Variants in INPP5D observed in about 807,000 individuals in gnomAD.
The protein encoded by INPP5D is inositol polyphosphate-5-phosphatase D.
A neutral mutation model predicts 122.9 loss-of-function variants in INPP5D; 33 were observed. The observed-to-expected ratio is 0.27, with a 90% CI of 0.20 to 0.36. The LOEUF (loss-of-function observed/expected upper bound fraction) is 0.36, where lower values mean the gene tolerates loss of function less well. Among genes scored for constraint, INPP5D ranks in the 10% least tolerant of loss-of-function variants. The probability of loss-of-function intolerance (pLI) is 1.00; values close to 1 mark genes in which losing one functional copy is unlikely to be tolerated. For missense variants in INPP5D, 1,053 were observed against 1,412.7 expected (o/e 0.75, Z 4.08); for synonymous variants, 584 against 576.2 (o/e 1.01, Z -0.19).
intron 1 of INPP5D, among the ~76,000 whole-genome samples, chr2:233,065,803 T>C (rs1691207418): frequency 6.6e-6 from 1 of 151,846 alleles, no homozygotes; most frequent in African/African-American, 2.4e-5. Flanking sequence ...CCCACCACCA[T>C]ACCTGGCTAA....
intron 1 of INPP5D, among the ~76,000 whole-genome samples, chr2:233,068,152 GCATATGCCTGTAATCC>G (rs1691274495): frequency 6.6e-6 from 1 of 152,126 alleles, no homozygotes; most frequent in Non-Finnish European, 1.5e-5. Context: ...TGCGATGGTG[GCATATGCCTGTAATCC>G]CAGCTACTCG....
intron 1 of INPP5D, among the ~76,000 whole-genome samples, chr2:233,077,351 A>G (rs1691547908): frequency 6.6e-6 from 1 of 152,140 alleles, no homozygotes; most frequent in African/African-American, 2.4e-5. Context: ...TAAAGTTAGT[A>G]TATATTTTAA....
chr2:233,088,564 A>C (rs1459857364), intron 2 of INPP5D, among the ~76,000 whole-genome samples: 1 of 152,250 alleles, frequency 6.6e-6, no homozygotes, highest in Admixed American at 6.5e-5. Flanking sequence ...CTCCTCAGAA[A>C]CAGTGGGAGG....
intron 4 of INPP5D, among the ~76,000 whole-genome samples, chr2:233,127,599 A>G (rs970379855): frequency 4.6e-5 from 7 of 152,202 alleles, no homozygotes; most frequent in Non-Finnish European, 1.0e-4. Flanking sequence ...TTATGTCAAC[A>G]CTTTTCTACA....
At chr2:233,176,773 TG>T (rs1694651660) in intron 17 of INPP5D, among the ~76,000 whole-genome samples, 1 of 149,582 alleles carries the variant, frequency 6.7e-6, no homozygotes, top group Non-Finnish European at 1.5e-5. Flanking sequence ...GATAAGTGGA[TG>T]GGTGGATGGA....
chr2:233,068,360 T>TGAGGC (rs1691284619), intron 1 of INPP5D, among the ~76,000 whole-genome samples: 2 of 151,004 alleles, frequency 1.3e-5, no homozygotes, highest in South Asian at 4.2e-4. Context: ...TTTGGGAGGC[T>TGAGGC]GAGGCAAGAG....
In INPP5D at chr2:233,060,471, C is replaced by A; in HGVS notation, c.-8C>A. 1.3e-6 allele frequency: 2 copies of A among 1,598,326 alleles called. No individual in the cohort carries two copies. Among genetic ancestry groups the A allele is most frequent in the Non-Finnish European group, 1.7e-6 (2 of 1,171,724 alleles). On this transcript the variant is annotated 5_prime_UTR_variant, in exon 1 of 27. Coordinates refer to ENST00000445964, the MANE Select transcript of INPP5D (RefSeq NM_001017915.3). The stretch of plus-strand genomic sequence containing the variant: ...CTGCCGGCCCGGCCGAGGAGGCCCA[C>A]GCCCACCATGGTCCCCTGCTGGAAC...
In INPP5D at chr2:233,177,041, A is replaced by G. The variant is rs993933168; in HGVS notation, c.1990-224A>G. 9.2e-4 allele frequency among the ~76,000 whole-genome samples: 140 copies of G among 152,068 alleles called. 2 individuals carry two copies. The highest frequency in any genetic ancestry group is 3.7e-4 in the Non-Finnish European group (25 of 68,016). ...AGTAGTCAGGAGGATATGTGAGGGA[A>G]TACAGCAAGGTGAGTTATCTTAGTC... On this transcript the variant is annotated intron_variant, in intron 17 of 26. Coordinates refer to ENST00000445964, the MANE Select transcript of INPP5D (RefSeq NM_001017915.3). This position sits in a 1 kb window ranked among gnomAD's most constrained non-coding sequence, Gnocchi z 4.2.
chr2:233,158,799 G>A (rs562520008), intron 10 of INPP5D, among the ~76,000 whole-genome samples: 1 of 152,086 alleles, frequency 6.6e-6, no homozygotes, highest in East Asian at 1.9e-4. Flanking sequence ...TGACTGACTT[G>A]AGACAGCGTC....
chr2:233,066,465 A>G (rs1691230137), intron 1 of INPP5D, among the ~76,000 whole-genome samples: 1 of 152,238 alleles, frequency 6.6e-6, no homozygotes, highest in Non-Finnish European at 1.5e-5. Flanking sequence ...CTGCATTTGC[A>G]AAATGCTAAC....
intron 5 of INPP5D, among the ~76,000 whole-genome samples, chr2:233,136,423 G>C (rs1311805722): frequency 1.3e-5 from 2 of 151,466 alleles, no homozygotes; most frequent in Admixed American, 1.3e-4. Flanking sequence ...AGGTTGCAGT[G>C]AGCCGAGATG....
At chr2:233,104,933 G>A (rs1215102652) in intron 2 of INPP5D, among the ~76,000 whole-genome samples, 1 of 152,170 alleles carries the variant, frequency 6.6e-6, no homozygotes, top group Non-Finnish European at 1.5e-5. Context: ...TTCAGGTGAA[G>A]TCTCACCTCT....
intron 2 of INPP5D, among the ~76,000 whole-genome samples, chr2:233,097,729 T>C (rs1191186407): frequency 6.6e-6 from 1 of 152,184 alleles, no homozygotes; most frequent in Non-Finnish European, 1.5e-5. Flanking sequence ...TTGGCTTCCC[T>C]AGGTAAATGA....
chr2:233,187,121 C>T (rs1236969993), intron 21 of INPP5D, among the ~76,000 whole-genome samples: 1 of 151,340 alleles, frequency 6.6e-6, no homozygotes, highest in African/African-American at 2.4e-5. Context: ...GAGATCCAGG[C>T]TGCAGTAAGC....
intron 2 of INPP5D, among the ~76,000 whole-genome samples, chr2:233,083,871 G>A (rs1691757485): frequency 6.6e-6 from 1 of 152,102 alleles, no homozygotes. Flanking sequence ...CAACCTTTTG[G>A]CCCTTGCGTC....
At chr2:233,172,673 C>T (rs558050895) in intron 17 of INPP5D, among the ~76,000 whole-genome samples, 8 of 152,120 alleles carry the variant, frequency 5.3e-5, no homozygotes, top group Admixed American at 2.0e-4. Flanking sequence ...CTGAAAATAG[C>T]GATGCGTCGC....
intron 2 of INPP5D, among the ~76,000 whole-genome samples, chr2:233,109,445 T>A (rs1264813419): frequency 6.6e-6 from 1 of 152,224 alleles, no homozygotes; most frequent in Non-Finnish European, 1.5e-5. Flanking sequence ...TTGTTGCAAC[T>A]ATTTGGGCAT....
At chr2:233,066,773 AT>A (rs564373774) in intron 1 of INPP5D, among the ~76,000 whole-genome samples, 1,601 of 143,474 alleles carry the variant, frequency 0.011, 12 homozygotes, top group African/African-American at 0.028. Context: ...TGCCCGGCTA[AT>A]TTTTTTTTTT....
chr2:233,173,208 CAAAAAA>C (rs199492575), intron 17 of INPP5D, among the ~76,000 whole-genome samples: 1 of 100,056 alleles, frequency 1.0e-5, no homozygotes. Context: ...GACTGTGTCT[CAAAAAA>C]AAAAAAAAAA....
Sources: gnomAD v4.1 joint callset for allele counts (sites outside exome capture counted in the v4.1 genomes callset) on GRCh38, gnomAD v4.1.1 for gene constraint, Gnocchi (gnomAD v3.1) non-coding constraint, MANE v1.5 for transcripts, NCBI Gene and HGNC (gene_info 2026-07-23, HGNC 2026-07-21) for gene names.